MAP3K9: variants seen among roughly 807,000 people sequenced by gnomAD.
The protein encoded by MAP3K9 is mixed lineage kinase 1 (tyr and ser/thr specificity).
A neutral mutation model predicts 95.8 loss-of-function variants in MAP3K9; 46 were observed. That is an observed-to-expected ratio of 0.48 (90% CI 0.38 to 0.61). The LOEUF is 0.61. MAP3K9 is among the 20% of genes least tolerant of loss of function. MAP3K9 has a pLI of 0.00. For missense variants in MAP3K9, 1,296 were observed against 1,474.3 expected (o/e 0.88, Z 1.98); for synonymous variants, 533 against 593.8 (o/e 0.90, Z 1.49).
At chr14:70,736,657 T>A (rs1012247515) in intron 8 of MAP3K9, among the ~76,000 whole-genome samples, 1 of 152,182 alleles carries the variant, frequency 6.6e-6, no homozygotes, top group African/African-American at 2.4e-5. Context: ...AAAAAAAATA[T>A]TTAAATCAAG....
chr14:70,783,141 C>A (rs534493893), intron 2 of MAP3K9: 1 of 357,478 alleles, frequency 2.8e-6, no homozygotes, highest in Non-Finnish European at 3.9e-6. Context: ...AATCAAGCAT[C>A]AAAATGCTTG....
chr14:70,749,899 G>A (rs2054200955), intron 4 of MAP3K9, 34 bp downstream of exon 4: 1 of 1,613,656 alleles, frequency 6.2e-7, no homozygotes, highest in East Asian at 2.2e-5. Flanking sequence ...GAGGCAAAGT[G>A]TCTCCAGTTT....
At chr14:70,780,641 C>T (rs2054662854) in intron 2 of MAP3K9, among the ~76,000 whole-genome samples, 1 of 152,168 alleles carries the variant, frequency 6.6e-6, no homozygotes, top group African/African-American at 2.4e-5. Context: ...GGGACTCCAT[C>T]CCTCACCTCA....
intron 2 of MAP3K9, among the ~76,000 whole-genome samples, chr14:70,785,813 G>A (rs992165628): frequency 1.6e-4 from 24 of 152,314 alleles, no homozygotes; most frequent in African/African-American, 4.1e-4. Context: ...GTGGGAAGGC[G>A]TGAGACTTCA....
At chr14:70,782,263 C>A (rs1379831051) in intron 2 of MAP3K9, among the ~76,000 whole-genome samples, 3 of 152,062 alleles carry the variant, frequency 2.0e-5, no homozygotes, top group African/African-American at 7.2e-5. Flanking sequence ...ATAAATTGAC[C>A]GTATTTCTTA....
chr14:70,782,654 T>C (rs2054695774), intron 2 of MAP3K9, among the ~76,000 whole-genome samples: 1 of 152,328 alleles, frequency 6.6e-6, no homozygotes, highest in East Asian at 1.9e-4. Flanking sequence ...CAACCTCAAG[T>C]ACCTCCTCAG....
Position 70,733,107 on chromosome 14 carries a change from G to A in MAP3K9, c.2262C>T (p.Leu754=), listed in dbSNP as rs1162591042. 9 of 1,613,954 alleles carry A rather than the reference G, an allele frequency of 5.6e-6. No homozygotes were observed. Among genetic ancestry groups the A allele is most frequent in the South Asian group, 2.2e-5 (2 of 91,080 alleles). The change falls in exon 11 of 12, where the codon CTC becomes CTT. Residue 754 remains leucine (L), a synonymous_variant. Coordinates refer to ENST00000554752, the MANE Select transcript of MAP3K9 (RefSeq NM_001284230.2). The part of the protein sequence containing the change: ...AHHRRCEVAL[L]GCGAVLAATG... ...TGGCTGCCAGAACAGCCCCACAGCC[G>A]AGCAGAGCCACCTCGCAGCGGCGGT... is the stretch of plus-strand genomic sequence containing the variant.
chr14:70,778,254 G>A (rs1009791478), intron 2 of MAP3K9, among the ~76,000 whole-genome samples: 1 of 149,726 alleles, frequency 6.7e-6, no homozygotes, highest in African/African-American at 2.5e-5. Flanking sequence ...TCAACCACAG[G>A]CACACATCAC....
chr14:70,749,966 T>C lies in MAP3K9; in HGVS notation c.1117A>G (p.Thr373Ala), dbSNP rs761093575. The change falls in exon 4 of 12, where the codon ACG (threonine) becomes GCG (alanine). Residue 373 changes from threonine (T) to alanine (A), a missense_variant. Coordinates refer to ENST00000554752, the MANE Select transcript of MAP3K9 (RefSeq NM_001284230.2). The part of the protein sequence containing the change: ...MNKLALPIPS[T>A]CPEPFAKLME... ...AGTTTGGCAAAAGGTTCTGGGCACG[T>C]AGAAGGAATAGGAAGGGCGAGTTTG... 2.7e-5 allele frequency: 44 copies of C among 1,614,044 alleles called. No homozygotes were observed. The highest frequency in any genetic ancestry group is 7.7e-5 in the South Asian group (7 of 91,078).
intron 2 of MAP3K9, among the ~76,000 whole-genome samples, chr14:70,799,101 A>G (rs61990521): frequency 0.23 from 34,479 of 152,076 alleles, 4,208 homozygotes; most frequent in South Asian, 0.38. Context: ...CTAAAGGGAA[A>G]CATTATAGGT....
intron 2 of MAP3K9, chr14:70,783,359 G>A (rs1045246554): frequency 5.1e-6 from 5 of 984,990 alleles, no homozygotes; most frequent in Non-Finnish European, 6.0e-6. Context: ...CCACAGCAAC[G>A]CTTCCTCAAA....
At position 70,728,756 on chromosome 14, in the gene MAP3K9, A is replaced by G. The variant is rs1384791537; in HGVS notation, c.*1624T>C. The G allele has an allele frequency of 6.6e-6, 1 of 152,264 alleles. No individual in the cohort carries two copies. The highest frequency in any genetic ancestry group is 1.5e-5 in the Non-Finnish European group (1 of 68,066). The allele number at this position is 152,264 out of a possible 1,614,324, so 9.4% of individuals were successfully genotyped here. A position where few individuals can be genotyped will look rare whatever the true frequency, so the allele number is the denominator to read the frequency against. ...GGACATCTATCCCAGTTATAGAGAA[A>G]GAGCAGTGACCAATTCATCACTGTT... On this transcript the variant is annotated 3_prime_UTR_variant, in exon 12 of 12. Transcript: ENST00000554752.
At chr14:70,807,756 A>G (rs2055005733) in intron 1 of MAP3K9, among the ~76,000 whole-genome samples, 1 of 152,186 alleles carries the variant, frequency 6.6e-6, no homozygotes, top group African/African-American at 2.4e-5. Context: ...CACTAAAGAG[A>G]TATTTACATG....
intron 10 of MAP3K9, chr14:70,733,642 A>G: frequency 1.4e-6 from 1 of 696,746 alleles, no homozygotes. Context: ...TATCCACTTG[A>G]CTGGACTGAG....
At chr14:70,782,771 T>A (rs1175763671) in intron 2 of MAP3K9, among the ~76,000 whole-genome samples, 2 of 152,176 alleles carry the variant, frequency 1.3e-5, no homozygotes, top group African/African-American at 4.8e-5. Flanking sequence ...AAGATGAGAC[T>A]TCCTAGCATC....
At chr14:70,786,265 G>C (rs1259174915) in intron 2 of MAP3K9, among the ~76,000 whole-genome samples, 1 of 151,944 alleles carries the variant, frequency 6.6e-6, no homozygotes, top group African/African-American at 2.4e-5. Context: ...CCTAAGGCAG[G>C]GGAGAGGGGA....
rs1566740567 is a variant in MAP3K9 at position 70,750,079 on chromosome 14, T to C, written c.1004A>G (p.Tyr335Cys). 1 of 1,614,130 alleles carries C rather than the reference T, an allele frequency of 6.2e-7. No homozygotes were observed. The highest frequency in any genetic ancestry group is 8.5e-7 in the Non-Finnish European group (1 of 1,180,020). The change falls in exon 4 of 12, where the codon TAT (tyrosine) becomes TGT (cysteine). Residue 335 changes from tyrosine (Y) to cysteine (C), a missense_variant and splice_region_variant. Coordinates refer to ENST00000554752, the MANE Select transcript of MAP3K9 (RefSeq NM_001284230.2). ...CAGCAACTCCCAAAGTAGCACCCCA[T>C]AGCTAAGGAGAGGAAGAAGACAGAA... is the stretch of plus-strand genomic sequence containing the variant. Reference protein sequence around the residue: ...MFSKGSDVWSYGVLLWELLTG... With the variant: ...MFSKGSDVWSCGVLLWELLTG...
At chr14:70,736,537 A>C (rs1405851404) in intron 8 of MAP3K9, among the ~76,000 whole-genome samples, 1 of 152,236 alleles carries the variant, frequency 6.6e-6, no homozygotes, top group Non-Finnish European at 1.5e-5. Flanking sequence ...TCATGAAAAA[A>C]TTAAGTCATA....
chr14:70,776,576 G>GA (rs956174481), intron 2 of MAP3K9, among the ~76,000 whole-genome samples: 9 of 152,080 alleles, frequency 5.9e-5, no homozygotes, highest in African/African-American at 9.7e-5. Flanking sequence ...ACAAGTGTGA[G>GA]AAAAAAACTA....
Sources: gnomAD v4.1 joint callset for allele counts (sites outside exome capture counted in the v4.1 genomes callset) on GRCh38, gnomAD v4.1.1 for gene constraint, MANE v1.5 for transcripts, NCBI Gene and HGNC (gene_info 2026-07-23, HGNC 2026-07-21) for gene names.